Variants in DTNB observed in about 807,000 individuals in gnomAD.
DTNB encodes the protein DTN-B.
Under a neutral mutation model 90.7 loss-of-function variants are expected in DTNB, and 63 were observed. The observed-to-expected ratio is 0.69, with a 90% CI of 0.57 to 0.86. DTNB has a LOEUF of 0.86. Among genes scored for constraint, DTNB ranks in the 40% least tolerant of loss-of-function variants. The pLI is 0.00. For missense variants in DTNB, 744 were observed against 807.1 expected (o/e 0.92, Z 0.95); for synonymous variants, 277 against 286.7 (o/e 0.97, Z 0.34).
At chr2:25,624,384 C>G (rs2073621611) in intron 4 of DTNB, among the ~76,000 whole-genome samples, 1 of 152,116 alleles carries the variant, frequency 6.6e-6, no homozygotes, top group Admixed American at 6.6e-5. Context: ...TCAAAGAAGC[C>G]AACTCTTCCT....
In DTNB at chr2:25,388,266, G is replaced by A. The variant is rs540871498; in HGVS notation, c.1671C>T (p.Pro557=). The A allele has an allele frequency of 6.2e-7, 1 of 1,610,080 alleles. No homozygotes were observed. Among genetic ancestry groups the A allele is most frequent in the South Asian group, 1.1e-5 (1 of 90,206 alleles). ...PVRSTSAGST[P]THCPQDSLSG... is the part of the protein sequence containing the mutation. ...TCAGCGAGTCCTGCGGACAGTGGGT[G>A]GGGGTGGAGCCGGCAGACGTGGAGC... Residue 557 remains proline (P), a synonymous_variant, in exon 17 of 21, where the codon CCC becomes CCT. Coordinates refer to ENST00000406818, the MANE Select transcript of DTNB (RefSeq NM_021907.5).
intron 10 of DTNB, 43 bp from the exon 11 acceptor site, chr2:25,455,537 C>CA: frequency 6.7e-7 from 1 of 1,498,192 alleles, no homozygotes; most frequent in Non-Finnish European, 9.1e-7. Flanking sequence ...GACACAAACA[C>CA]ATACAGAGGG....
intron 8 of DTNB, among the ~76,000 whole-genome samples, chr2:25,543,756 T>C (rs1310599952): frequency 1.3e-5 from 2 of 152,214 alleles, no homozygotes; most frequent in Non-Finnish European, 2.9e-5. Context: ...TCAGGTTTTA[T>C]TTTCTTATTT....
intron 8 of DTNB, among the ~76,000 whole-genome samples, chr2:25,551,326 T>C (rs1031571377): frequency 1.3e-5 from 2 of 152,222 alleles, no homozygotes; most frequent in African/African-American, 4.8e-5. Flanking sequence ...CTCTGCTTCC[T>C]AGGGTATAAA....
intron 9 of DTNB, among the ~76,000 whole-genome samples, chr2:25,501,127 C>CA (rs1009005895): frequency 2.0e-5 from 3 of 150,940 alleles, no homozygotes; most frequent in Non-Finnish European, 4.4e-5. Flanking sequence ...GTTATTGAGA[C>CA]AAAAAACAAA....
At chr2:25,594,080 T>TA (rs2064093705) in intron 6 of DTNB, among the ~76,000 whole-genome samples, 1 of 152,122 alleles carries the variant, frequency 6.6e-6, no homozygotes. Context: ...GGGCTCCAGA[T>TA]AAAAAATGCA....
rs531938553 is a variant in DTNB at position 25,381,724 on chromosome 2, C to T, written c.1879+2112G>A. ...GCCACATATGTCATTCTCATCAACTCGTTGGCGCTGCTGTCCACTTCCTCC... is the reference window on the plus strand; with the variant it reads ...GCCACATATGTCATTCTCATCAACTTGTTGGCGCTGCTGTCCACTTCCTCC... On this transcript the variant is annotated intron_variant, in intron 19 of 20. Transcript: ENST00000406818. Among the ~76,000 whole-genome samples, 38 of 152,372 alleles carry T rather than the reference C, an allele frequency of 2.5e-4. No homozygotes were observed. In the South Asian group the frequency reaches 7.0e-3, roughly 28 times the overall value.
At chr2:25,427,430 G>C in intron 15 of DTNB, 105 bp downstream of exon 15, 1 of 1,104,362 alleles carries the variant, frequency 9.1e-7, no homozygotes, top group Non-Finnish European at 1.3e-6. Context: ...CTAGGCTAAA[G>C]TCAAGCCTTT....
chr2:25,661,957 C>T lies in DTNB; in HGVS notation c.-1-9296G>A, dbSNP rs537657698. ...ATTACCTAAGGTCAGGAGTTGGAGA[C>T]CAGCCTGCCCTACATGGTGAAACCC... On this transcript the variant is annotated intron_variant, in intron 1 of 20. Coordinates refer to ENST00000406818, the MANE Select transcript of DTNB (RefSeq NM_021907.5). Among the ~76,000 whole-genome samples the T allele has an allele frequency of 2.4e-4, 36 of 152,092 alleles. No homozygotes were observed. The South Asian group carries it at 7.3e-3, about 31-fold the overall frequency.
At chr2:25,422,868 G>A (rs1234765436) in intron 15 of DTNB, among the ~76,000 whole-genome samples, 2 of 152,146 alleles carry the variant, frequency 1.3e-5, no homozygotes, top group African/African-American at 4.8e-5. Flanking sequence ...GATATGTAGA[G>A]AAACATGAAT....
chr2:25,479,865 C>T (rs1189589195), intron 10 of DTNB, among the ~76,000 whole-genome samples: 2 of 152,110 alleles, frequency 1.3e-5, no homozygotes, highest in African/African-American at 4.8e-5. Context: ...CTAAAAGAAA[C>T]CTCTTATTCT....
rs533777747 is a variant in DTNB, at chr2:25,600,976, C to T, written c.449-4736G>A. On this transcript the variant is annotated intron_variant, in intron 5 of 20. Coordinates refer to ENST00000406818, the MANE Select transcript of DTNB (RefSeq NM_021907.5). ...GCTTTAATGAGACATACTGCTAGACCCCAAAACTGAAGGCACAGTGAAATA... is the reference window on the plus strand; with the variant it reads ...GCTTTAATGAGACATACTGCTAGACTCCAAAACTGAAGGCACAGTGAAATA... Among the ~76,000 whole-genome samples, 18 of 152,146 alleles carry T rather than the reference C, an allele frequency of 1.2e-4. No individual in the cohort carries two copies. The East Asian group carries it at 3.5e-3, about 29-fold the overall frequency.
intron 16 of DTNB, among the ~76,000 whole-genome samples, chr2:25,400,182 G>T (rs753990822): frequency 6.6e-6 from 1 of 152,144 alleles, no homozygotes; most frequent in Non-Finnish European, 1.5e-5. Context: ...AGTGTGTGGC[G>T]CACATGCAGT....
chr2:25,547,204 T>C (rs1451691343), intron 8 of DTNB, among the ~76,000 whole-genome samples: 1 of 152,102 alleles, frequency 6.6e-6, no homozygotes, highest in Admixed American at 6.5e-5. Flanking sequence ...CCAGGATAAG[T>C]GCTACTTGAT....
At chr2:25,419,481 G>A (rs372594560) in intron 16 of DTNB, 34 bp downstream of exon 16, 12 of 1,556,944 alleles carry the variant, frequency 7.7e-6, no homozygotes, top group African/African-American at 2.7e-5. Flanking sequence ...GCAAAGGAGC[G>A]AGAGTCCGGC....
chr2:25,515,484 G>A (rs1207676631), intron 9 of DTNB, among the ~76,000 whole-genome samples: 1 of 152,178 alleles, frequency 6.6e-6, no homozygotes, highest in Non-Finnish European at 1.5e-5. Flanking sequence ...TTTATAGTCG[G>A]TTGATTTTGA....
chr2:25,628,420 A>G (rs774263669), intron 3 of DTNB, 36 bp from the exon 4 acceptor site: 38 of 1,579,904 alleles, frequency 2.4e-5, no homozygotes, highest in Admixed American at 3.6e-5. Context: ...CAACAATTTT[A>G]AAGTGTGGTA....
intron 13 of DTNB, among the ~76,000 whole-genome samples, chr2:25,433,395 G>A (rs2054604120): frequency 6.6e-6 from 1 of 152,058 alleles, no homozygotes. Context: ...TGTCCCCGAT[G>A]CCCCAGTAGA....
chr2:25,666,277 G>A (rs925520142), intron 1 of DTNB, among the ~76,000 whole-genome samples: 1 of 151,924 alleles, frequency 6.6e-6, no homozygotes, highest in African/African-American at 2.4e-5. Flanking sequence ...TGTTAAAGAA[G>A]GGAAAAAATA....
Sources: gnomAD v4.1 joint callset for allele counts (sites outside exome capture counted in the v4.1 genomes callset) on GRCh38, gnomAD v4.1.1 for gene constraint, MANE v1.5 for transcripts, NCBI Gene and HGNC (gene_info 2026-07-23, HGNC 2026-07-21) for gene names.